The following CSMD1 variants were observed in gnomAD, a reference collection of about 807,000 sequenced individuals.
CSMD1 encodes CUB and sushi domain-containing protein 1.
CSMD1 carries 213 observed loss-of-function variants against 417.5 expected under a neutral mutation model. The observed-to-expected ratio is 0.51, with a 90% CI of 0.46 to 0.57. CSMD1 has a LOEUF of 0.57. Among genes scored for constraint, CSMD1 ranks in the 20% least tolerant of loss-of-function variants. CSMD1 has a pLI of 0.00. For synonymous variants in CSMD1, 2,862 were observed against 1,736.8 expected (o/e 1.65, Z -16.11); for missense variants, 6,923 against 4,529.7 (o/e 1.53, Z -15.17).
At chr8:3,824,899 G>A (rs548112338) in intron 5 of CSMD1, among the ~76,000 whole-genome samples, 1 of 152,156 alleles carries the variant, frequency 6.6e-6, no homozygotes, top group Non-Finnish European at 1.5e-5. Context: ...GAATTGTAAA[G>A]ATTTCAGCCC....
intron 3 of CSMD1, among the ~76,000 whole-genome samples, chr8:4,108,057 GAGACAGAGACA>G (rs1801660779): frequency 6.7e-6 from 1 of 150,036 alleles, no homozygotes; most frequent in African/African-American, 2.5e-5. Context: ...GACAGAGACA[GAGACAGAGACA>G]GAGACAGAGA....
chr8:3,568,111 T>C (rs1463516556), intron 10 of CSMD1, among the ~76,000 whole-genome samples: 1 of 152,174 alleles, frequency 6.6e-6, no homozygotes, highest in East Asian at 1.9e-4. Context: ...ATTATAAATA[T>C]ATAATAAAAC....
At chr8:3,427,050 A>G (rs2117003976) in intron 12 of CSMD1, among the ~76,000 whole-genome samples, 1 of 152,214 alleles carries the variant, frequency 6.6e-6, no homozygotes, top group East Asian at 1.9e-4. Flanking sequence ...TCTCATGAGA[A>G]CTCACTCACT....
At chr8:4,348,818 C>T (rs988582762) in intron 3 of CSMD1, among the ~76,000 whole-genome samples, 1 of 152,040 alleles carries the variant, frequency 6.6e-6, no homozygotes, top group African/African-American at 2.4e-5. Flanking sequence ...CTTCCAAGAC[C>T]CAGTTAAATC....
intron 10 of CSMD1, among the ~76,000 whole-genome samples, chr8:3,524,015 A>G (rs990535470): frequency 4.3e-5 from 6 of 139,176 alleles, no homozygotes; most frequent in African/African-American, 1.5e-4. Context: ...ACACATGTGC[A>G]CGTGCACACA....
intron 5 of CSMD1, among the ~76,000 whole-genome samples, chr8:3,986,826 G>C (rs1009043284): frequency 1.3e-5 from 2 of 151,956 alleles, no homozygotes; most frequent in Non-Finnish European, 2.9e-5. Context: ...TGCGATCTCG[G>C]CTCACTGCAA....
intron 18 of CSMD1, among the ~76,000 whole-genome samples, chr8:3,384,717 T>A (rs1254103963): frequency 5.0e-5 from 3 of 60,300 alleles, no homozygotes; most frequent in African/African-American, 2.5e-4. Flanking sequence ...TAAATATATT[T>A]ATAATATTTA....
chr8:3,869,056 G>A lies in CSMD1; in HGVS notation c.819-115014C>T, dbSNP rs370642757. 8.1e-4 allele frequency among the ~76,000 whole-genome samples: 124 copies of A among 152,286 alleles called. 1 individual carries two copies. The highest frequency in any genetic ancestry group is 1.5e-3 in the Non-Finnish European group (99 of 68,012). On this transcript the variant is annotated intron_variant, in intron 5 of 69. Transcript: ENST00000635120. ...TTTACAGTGCCCTCAGGGTCCCTTC[G>A]TGGCTGCCACGCTGACATGACCTTA...
intron 28 of CSMD1, among the ~76,000 whole-genome samples, chr8:3,219,794 A>G (rs902124606): frequency 6.6e-6 from 1 of 152,176 alleles, no homozygotes; most frequent in African/African-American, 2.4e-5. Context: ...AGCTCAAAAG[A>G]GACACATTTC....
chr8:4,523,185 A>C (rs1803568248), intron 2 of CSMD1, among the ~76,000 whole-genome samples: 1 of 152,222 alleles, frequency 6.6e-6, no homozygotes. Context: ...AGTAATTCAA[A>C]ATAGGTCCTT....
chr8:3,371,176 G>A (rs942075163), intron 18 of CSMD1, among the ~76,000 whole-genome samples: 8 of 152,112 alleles, frequency 5.3e-5, no homozygotes, highest in African/African-American at 1.9e-4. Flanking sequence ...CTTGCAGAAG[G>A]CAGATCTTGG....
intron 5 of CSMD1, among the ~76,000 whole-genome samples, chr8:3,783,622 G>A (rs910500982): frequency 6.6e-6 from 1 of 152,232 alleles, no homozygotes; most frequent in Non-Finnish European, 1.5e-5. Context: ...AGCCCTGGAT[G>A]CAGCTGGTTC....
At chr8:3,303,283 G>C (rs1490996041) in intron 25 of CSMD1, among the ~76,000 whole-genome samples, 1 of 152,024 alleles carries the variant, frequency 6.6e-6, no homozygotes, top group Non-Finnish European at 1.5e-5. Flanking sequence ...TTTCCTACTG[G>C]GATCTGGAAG....
intron 1 of CSMD1, among the ~76,000 whole-genome samples, chr8:4,962,198 A>T (rs76771336): frequency 0.026 from 2,603 of 100,064 alleles, 48 homozygotes; most frequent in African/African-American, 0.091. Context: ...CTTTTTTTTT[A>T]AAAAAAAAAG....
chr8:4,200,737 C>T (rs750633169), intron 3 of CSMD1, among the ~76,000 whole-genome samples: 1 of 152,106 alleles, frequency 6.6e-6, no homozygotes, highest in Non-Finnish European at 1.5e-5. Flanking sequence ...TTGTGTGTAT[C>T]TGTAGTCCCA....
chr8:4,035,599 GAATACAGTTTAAA>G (rs2130600752), intron 3 of CSMD1, among the ~76,000 whole-genome samples: 1 of 152,238 alleles, frequency 6.6e-6, no homozygotes, highest in South Asian at 2.1e-4. Context: ...AATTTTTAAT[GAATACAGTTTAAA>G]AAGTAAGAAC....
At chr8:4,712,676 C>T (rs1808384538) in intron 1 of CSMD1, among the ~76,000 whole-genome samples, 1 of 152,148 alleles carries the variant, frequency 6.6e-6, no homozygotes, top group South Asian at 2.1e-4. Context: ...GTAAACATTT[C>T]ACAAATAGAT....
At chr8:3,618,608 G>T (rs10107222) in intron 7 of CSMD1, among the ~76,000 whole-genome samples, 1 of 151,868 alleles carries the variant, frequency 6.6e-6, no homozygotes, top group Non-Finnish European at 1.5e-5. Context: ...GATAGCATCA[G>T]TAGATAGTGA....
chr8:4,236,026 G>GTTTTTTTTTTTTTTTTTTTTTTT (rs147378202), intron 3 of CSMD1, among the ~76,000 whole-genome samples: 6 of 108,086 alleles, frequency 5.6e-5, no homozygotes, highest in African/African-American at 2.5e-4. Flanking sequence ...AATGGATATT[G>GTTTTTTTTTTTTTTTTTTTTTTT]TTTTTTTTGT....
Sources: allele counts gnomAD v4.1 joint callset (sites outside exome capture counted in the v4.1 genomes callset), GRCh38; gene constraint gnomAD v4.1.1; transcripts MANE v1.5; gene names NCBI Gene and HGNC (gene_info 2026-07-23, HGNC 2026-07-21).